The following NLGN1 variants were observed in gnomAD, a reference collection of about 807,000 sequenced individuals.
NLGN1 encodes neuroligin-1.
NLGN1 carries 12 observed loss-of-function variants against 65.5 expected under a neutral mutation model. The observed-to-expected ratio is 0.18, with a 90% CI of 0.12 to 0.30. The LOEUF (loss-of-function observed/expected upper bound fraction) is 0.30. NLGN1 is among the 10% of genes least tolerant of loss of function. The pLI is 1.00. For missense variants in NLGN1, 750 were observed against 1,007.1 expected (o/e 0.74, Z 3.46); for synonymous variants, 350 against 359.5 (o/e 0.97, Z 0.30).
At chr3:173,921,404 T>C (rs1166005657) in intron 4 of NLGN1, among the ~76,000 whole-genome samples, 1 of 150,956 alleles carries the variant, frequency 6.6e-6, no homozygotes, top group African/African-American at 2.4e-5. Context: ...GTTCAGTTCA[T>C]ACAAGGAATG....
chr3:174,088,536 C>G (rs1743865555), intron 4 of NLGN1, among the ~76,000 whole-genome samples: 1 of 152,100 alleles, frequency 6.6e-6, no homozygotes, highest in African/African-American at 2.4e-5. Context: ...GCAGGCGGAT[C>G]ACGAGGTCGG....
intron 1 of NLGN1, among the ~76,000 whole-genome samples, chr3:173,414,524 C>T (rs1047705653): frequency 1.3e-5 from 2 of 151,740 alleles, no homozygotes; most frequent in Non-Finnish European, 2.9e-5. Context: ...CAGTTTGCCA[C>T]CTCAGAACCT....
chr3:174,033,428 A>G (rs1412941347), intron 4 of NLGN1, among the ~76,000 whole-genome samples: 1 of 152,206 alleles, frequency 6.6e-6, no homozygotes, highest in Non-Finnish European at 1.5e-5. Context: ...CTTACAATGT[A>G]TGCCTAAACC....
chr3:174,102,037 A>G (rs961947114), intron 4 of NLGN1, among the ~76,000 whole-genome samples: 1 of 152,200 alleles, frequency 6.6e-6, no homozygotes, highest in Admixed American at 6.6e-5. Flanking sequence ...CAAATAATAA[A>G]TATGTTAATG....
chr3:174,187,971 T>C (rs1561247608), intron 4 of NLGN1, among the ~76,000 whole-genome samples: 2 of 152,036 alleles, frequency 1.3e-5, no homozygotes, highest in Non-Finnish European at 2.9e-5. Context: ...ACATGTTTAT[T>C]GAATGAATCA....
At chr3:173,514,037 A>G (rs765409974) in intron 2 of NLGN1, among the ~76,000 whole-genome samples, 1 of 152,246 alleles carries the variant, frequency 6.6e-6, no homozygotes, top group East Asian at 1.9e-4. Context: ...GCTGTGTATA[A>G]TGATACCATG....
chr3:174,242,033 A>G (rs562123030), intron 4 of NLGN1, among the ~76,000 whole-genome samples: 17 of 152,180 alleles, frequency 1.1e-4, no homozygotes, highest in African/African-American at 3.6e-4. Context: ...TTCTTAACTT[A>G]TTTTCTCACA....
intron 4 of NLGN1, among the ~76,000 whole-genome samples, chr3:173,842,859 A>G (rs1725041348): frequency 6.6e-6 from 1 of 152,166 alleles, no homozygotes. Context: ...GCCTTCTCAC[A>G]GCTCCACTAG....
intron 4 of NLGN1, among the ~76,000 whole-genome samples, chr3:174,204,362 A>C (rs1735038281): frequency 6.6e-6 from 1 of 152,210 alleles, no homozygotes; most frequent in Admixed American, 6.5e-5. Flanking sequence ...TTAACCTAAA[A>C]TGTGATTAGC....
intron 3 of NLGN1, among the ~76,000 whole-genome samples, chr3:173,734,380 T>C (rs556736446): frequency 1.8e-4 from 19 of 108,022 alleles, no homozygotes; most frequent in Admixed American, 1.0e-3. Flanking sequence ...TGGATAATTC[T>C]ATTTTTTTTT....
intron 3 of NLGN1, among the ~76,000 whole-genome samples, chr3:173,648,555 G>A (rs1758641423): frequency 6.6e-6 from 1 of 151,948 alleles, no homozygotes; most frequent in South Asian, 2.1e-4. Context: ...CAACTGGGTA[G>A]ATTCTTCTTT....
intron 4 of NLGN1, among the ~76,000 whole-genome samples, chr3:174,197,751 CGTGTGT>C (rs71162378): frequency 1.6e-4 from 22 of 141,642 alleles, no homozygotes; most frequent in African/African-American, 5.2e-4. Flanking sequence ...CCCATTATCT[CGTGTGT>C]GTGTGTGTGT....
intron 2 of NLGN1, among the ~76,000 whole-genome samples, chr3:173,588,957 C>G (rs13315163): frequency 0.01 from 1,535 of 152,086 alleles, 28 homozygotes; most frequent in African/African-American, 0.036. Flanking sequence ...TATTAGGGAC[C>G]GCTAAAGGAA....
chr3:173,927,924 T>G (rs1057161177), intron 4 of NLGN1, among the ~76,000 whole-genome samples: 3 of 152,162 alleles, frequency 2.0e-5, no homozygotes, highest in African/African-American at 7.2e-5. Context: ...CTTACTTCTC[T>G]GAAGACCTGG....
intron 4 of NLGN1, among the ~76,000 whole-genome samples, chr3:174,236,754 A>G (rs1379684476): frequency 6.6e-6 from 1 of 152,070 alleles, no homozygotes; most frequent in African/African-American, 2.4e-5. Flanking sequence ...TAACAGTTAC[A>G]TTTATTGTAA....
At chr3:173,604,482 G>T (rs979594925) in exon 3 of NLGN1, 25 of 1,158,122 alleles carry the variant, frequency 2.2e-5, no homozygotes, top group Non-Finnish European at 3.1e-5. Flanking sequence ...AGCTTTTCTC[G>T]ACAAGCTCCC....
intron 3 of NLGN1, among the ~76,000 whole-genome samples, chr3:173,695,953 A>T (rs1407995329): frequency 6.6e-6 from 1 of 152,146 alleles, no homozygotes; most frequent in Non-Finnish European, 1.5e-5. Flanking sequence ...CTGAGACTAC[A>T]GGTGTGAGCC....
chr3:173,590,697 G>A (rs1193436318), intron 2 of NLGN1, among the ~76,000 whole-genome samples: 1 of 151,930 alleles, frequency 6.6e-6, no homozygotes, highest in African/African-American at 2.4e-5. Flanking sequence ...CTTCATTTTT[G>A]CTTTTTAAAA....
chr3:173,789,008 C>T (rs1478186284), intron 3 of NLGN1, among the ~76,000 whole-genome samples: 1 of 151,718 alleles, frequency 6.6e-6, no homozygotes, highest in African/African-American at 2.4e-5. Flanking sequence ...CCAACCTGGC[C>T]AATATGGTGA....
Sources: allele counts gnomAD v4.1 joint callset (sites outside exome capture counted in the v4.1 genomes callset), GRCh38; gene constraint gnomAD v4.1.1; transcripts MANE v1.5; gene names NCBI Gene and HGNC (gene_info 2026-07-23, HGNC 2026-07-21).